The following MUSK variants were observed in gnomAD, a reference collection of about 807,000 sequenced individuals.
The protein encoded by MUSK is muscle associated receptor tyrosine kinase.
Under a neutral mutation model 88.7 loss-of-function variants are expected in MUSK, and 55 were observed. The observed-to-expected ratio is 0.62, with a 90% CI of 0.50 to 0.78. MUSK has a LOEUF of 0.78. Among genes scored for constraint, MUSK ranks in the 30% least tolerant of loss-of-function variants. The pLI is 0.00. For synonymous variants in MUSK, 387 were observed against 391.9 expected, an observed-to-expected ratio of 0.99 and a Z score of 0.15; for missense variants, 1,015 against 1,074.3, an observed-to-expected ratio of 0.94 and a Z score of 0.77.
At chr9:110,679,209 AT>A (rs2131639814) in intron 1 of MUSK, among the ~76,000 whole-genome samples, 1 of 152,096 alleles carries the variant, frequency 6.6e-6, no homozygotes, top group African/African-American at 2.4e-5. Flanking sequence ...ATGTTAAAAC[AT>A]TTCTCCATGT....
intron 5 of MUSK, among the ~76,000 whole-genome samples, chr9:110,724,289 A>G (rs927096681): frequency 6.6e-6 from 1 of 152,028 alleles, no homozygotes; most frequent in Non-Finnish European, 1.5e-5. Flanking sequence ...ATTATTGCTT[A>G]GCAATTGTTT....
intron 5 of MUSK, among the ~76,000 whole-genome samples, chr9:110,720,255 A>G (rs368745959): frequency 6.6e-6 from 1 of 152,054 alleles, no homozygotes; most frequent in African/African-American, 2.4e-5. Flanking sequence ...GAGCAGAACT[A>G]AATGAAATTG....
intron 7 of MUSK, among the ~76,000 whole-genome samples, chr9:110,755,082 A>G (rs2077294189): frequency 6.6e-6 from 1 of 152,184 alleles, no homozygotes; most frequent in African/African-American, 2.4e-5. Flanking sequence ...ATTTATAATG[A>G]TTTTCCTATT....
intron 5 of MUSK, among the ~76,000 whole-genome samples, chr9:110,732,542 C>T (rs934351222): frequency 6.6e-6 from 1 of 152,014 alleles, no homozygotes; most frequent in African/African-American, 2.4e-5. Context: ...TTTTTACCCC[C>T]TAATGCTAAT....
chr9:110,689,119 T>G (rs1177697680), intron 3 of MUSK, among the ~76,000 whole-genome samples: 2 of 134,002 alleles, frequency 1.5e-5, no homozygotes, highest in African/African-American at 2.8e-5. Flanking sequence ...TATAATTTAT[T>G]TATATAAACT....
chr9:110,797,841 T>G (rs909467592), intron 14 of MUSK, among the ~76,000 whole-genome samples: 28 of 152,296 alleles, frequency 1.8e-4, no homozygotes, highest in Middle Eastern at 3.4e-3. Flanking sequence ...TATCAAGCAA[T>G]TCCTGTTTCA....
At chr9:110,775,757 A>C (rs769358140) in intron 9 of MUSK, 31 bp from the exon 10 acceptor site, 30 of 1,606,024 alleles carry the variant, frequency 1.9e-5, no homozygotes, top group Admixed American at 3.3e-5. Context: ...GTAATGATTC[A>C]TCAAGTTTTG....
At chr9:110,750,335 C>A (rs1204046516) in intron 7 of MUSK, among the ~76,000 whole-genome samples, 2 of 152,086 alleles carry the variant, frequency 1.3e-5, no homozygotes, top group Non-Finnish European at 2.9e-5. Flanking sequence ...GCAGTGGTGT[C>A]TTCTGGACAC....
At chr9:110,680,569 A>G (rs2076095219) in intron 1 of MUSK, among the ~76,000 whole-genome samples, 1 of 151,658 alleles carries the variant, frequency 6.6e-6, no homozygotes. Flanking sequence ...TATTTTTAGT[A>G]GAGACAGGGT....
intron 7 of MUSK, among the ~76,000 whole-genome samples, chr9:110,748,261 C>T (rs1451937703): frequency 4.0e-5 from 6 of 149,652 alleles, no homozygotes; most frequent in Admixed American, 2.7e-4. Flanking sequence ...CCCCACTCCT[C>T]GTTCTCTCTT....
At chr9:110,774,265 A>G (rs1447746700) in intron 9 of MUSK, among the ~76,000 whole-genome samples, 2 of 152,092 alleles carry the variant, frequency 1.3e-5, no homozygotes, top group Non-Finnish European at 2.9e-5. Context: ...TCTATTTTCA[A>G]TGAAGATTGT....
intron 3 of MUSK, among the ~76,000 whole-genome samples, chr9:110,687,757 CTGCTATCAACCA>C (rs1265014956): frequency 6.6e-6 from 1 of 152,086 alleles, no homozygotes; most frequent in Non-Finnish European, 1.5e-5. Flanking sequence ...CCTCTTATGC[CTGCTATCAACCA>C]CTACCCTAAG....
At chr9:110,776,129 A>G (rs2077668506) in intron 10 of MUSK, among the ~76,000 whole-genome samples, 166 bp downstream of exon 10, 1 of 152,008 alleles carries the variant, frequency 6.6e-6, no homozygotes, top group Non-Finnish European at 1.5e-5. Flanking sequence ...ATGCTATCCT[A>G]ATTGTACAGA....
At chr9:110,676,182 G>A (rs960614561) in intron 1 of MUSK, among the ~76,000 whole-genome samples, 3 of 151,426 alleles carry the variant, frequency 2.0e-5, no homozygotes, top group Admixed American at 1.3e-4. Flanking sequence ...AAAAAATCCT[G>A]TAAGATACAG....
chr9:110,693,749 G>T (rs1055534413), intron 3 of MUSK, among the ~76,000 whole-genome samples: 4 of 152,160 alleles, frequency 2.6e-5, no homozygotes, highest in Admixed American at 6.5e-5. Flanking sequence ...TTAAGCAAAG[G>T]TCTTTACCTA....
chr9:110,762,153 T>C, intron 7 of MUSK, 49 bp from the exon 8 acceptor site: 1 of 1,365,588 alleles, frequency 7.3e-7, no homozygotes, highest in South Asian at 1.9e-5. Flanking sequence ...CGTTCTTTCT[T>C]TTCTCCTTTA....
chr9:110,716,689 G>A lies in MUSK; in HGVS notation c.629-17562G>A, dbSNP rs192320466. ...CTTCTCCTTCACAGGGGACATTCAC[G>A]ATAAACTCTCAATAGGCTTTAATTT... On this transcript the variant is annotated intron_variant, in intron 5 of 14. Transcript: ENST00000374448. Among the ~76,000 whole-genome samples, 172 of 150,020 alleles carry A rather than the reference G, an allele frequency of 1.1e-3. 1 individual carries two copies. Among genetic ancestry groups the A allele is most frequent in the South Asian group, 2.1e-3 (10 of 4,770 alleles).
chr9:110,719,591 A>T (rs2076785115), intron 5 of MUSK, among the ~76,000 whole-genome samples: 1 of 152,084 alleles, frequency 6.6e-6, no homozygotes, highest in Non-Finnish European at 1.5e-5. Flanking sequence ...AATTTATAAA[A>T]CAATTATTAC....
At chr9:110,746,402 T>A (rs2077174996) in intron 6 of MUSK, among the ~76,000 whole-genome samples, 1 of 152,218 alleles carries the variant, frequency 6.6e-6, no homozygotes, top group Non-Finnish European at 1.5e-5. Context: ...TTACTCTTGT[T>A]TTCTAATGAC....
Sources: allele counts gnomAD v4.1 joint callset (sites outside exome capture counted in the v4.1 genomes callset), GRCh38; gene constraint gnomAD v4.1.1; transcripts MANE v1.5; gene names NCBI Gene and HGNC (gene_info 2026-07-23, HGNC 2026-07-21).